The following RSPO3 variants were observed in gnomAD, a reference collection of about 807,000 sequenced individuals.
RSPO3 encodes the protein R-spondin 3, also known as R-spondin-3.
A neutral mutation model predicts 36.5 loss-of-function variants in RSPO3; 17 were observed. The ratio of observed to expected loss-of-function variants is 0.47; its 90% CI spans 0.32 to 0.70. The LOEUF is 0.70. Among genes scored for constraint, RSPO3 ranks in the 30% least tolerant of loss-of-function variants. The probability of loss-of-function intolerance (pLI) is 0.04; values close to 1 mark genes in which losing one functional copy is unlikely to be tolerated. For missense variants in RSPO3, 294 were observed against 322.5 expected (o/e 0.91, Z 0.68); for synonymous variants, 108 against 107.0 (o/e 1.01, Z -0.06).
chr6:127,175,120 T>C (rs1775025400), intron 4 of RSPO3, among the ~76,000 whole-genome samples: 1 of 151,826 alleles, frequency 6.6e-6, no homozygotes, highest in African/African-American at 2.4e-5. Flanking sequence ...TCAATGCTCA[T>C]TCTCTTTACA....
chr6:127,182,038 G>A (rs192551918), intron 4 of RSPO3, among the ~76,000 whole-genome samples: 7 of 151,994 alleles, frequency 4.6e-5, no homozygotes, highest in Non-Finnish European at 1.0e-4. Context: ...GAACTGGCAC[G>A]TGCAGATCAT....
Position 127,196,000 on chromosome 6 carries a change from T to C in RSPO3, c.812T>C (p.Val271Ala), listed in dbSNP as rs780966823. The change falls in exon 5 of 5, where the codon GTA (valine) becomes GCA (alanine). Residue 271 changes from valine to alanine, a missense_variant. Physicochemically the swap from Val to Ala is moderately conservative, Grantham distance 64. Transcript: ENST00000356698. The part of the protein sequence containing the change: ...DKQKSVSVST[V>A]H ...CAGAAATCGGTATCAGTCAGCACTG[T>C]ACACTAGAGGGTTCCATGAGATTAT... 2 of 1,606,360 alleles carry C rather than the reference T, an allele frequency of 1.2e-6. No homozygotes were observed. Among genetic ancestry groups the C allele is most frequent in the South Asian group, 2.2e-5 (2 of 89,450 alleles).
intron 4 of RSPO3, among the ~76,000 whole-genome samples, chr6:127,157,895 T>G (rs1774626110): frequency 6.6e-6 from 1 of 152,004 alleles, no homozygotes; most frequent in South Asian, 2.1e-4. Context: ...GTATCCTATT[T>G]GAACACAAAC....
At chr6:127,120,322 T>C (rs1773816893) in intron 1 of RSPO3, among the ~76,000 whole-genome samples, 1 of 152,150 alleles carries the variant, frequency 6.6e-6, no homozygotes, top group Non-Finnish European at 1.5e-5. Context: ...TGGGGAGTCC[T>C]TTCGCAGATC....
intron 4 of RSPO3, among the ~76,000 whole-genome samples, chr6:127,176,587 A>C (rs1401226593): frequency 6.6e-6 from 1 of 151,344 alleles, no homozygotes; most frequent in Non-Finnish European, 1.5e-5. Context: ...CTTTTAAAAA[A>C]CTACAGTGGG....
At chr6:127,164,761 C>T (rs1419527838) in intron 4 of RSPO3, among the ~76,000 whole-genome samples, 3 of 152,060 alleles carry the variant, frequency 2.0e-5, no homozygotes, top group Non-Finnish European at 4.4e-5. Flanking sequence ...AACCTAATTA[C>T]TGAACTGCGG....
chr6:127,171,854 G>T (rs894687224), intron 4 of RSPO3, among the ~76,000 whole-genome samples: 5 of 151,560 alleles, frequency 3.3e-5, no homozygotes, highest in Non-Finnish European at 5.9e-5. Context: ...AATCTCAGCT[G>T]CTGGACTTGG....
intron 3 of RSPO3, among the ~76,000 whole-genome samples, chr6:127,153,039 G>A (rs571651869): frequency 2.2e-4 from 34 of 152,148 alleles, no homozygotes; most frequent in Non-Finnish European, 3.2e-4. Flanking sequence ...CAACTTTCTT[G>A]CCAATTCGGG....
At chr6:127,132,036 A>T (rs1238373406) in intron 1 of RSPO3, among the ~76,000 whole-genome samples, 4 of 152,094 alleles carry the variant, frequency 2.6e-5, no homozygotes, top group African/African-American at 9.7e-5. Context: ...CAAACCCTTC[A>T]TATTCTAGCA....
intron 4 of RSPO3, among the ~76,000 whole-genome samples, chr6:127,181,183 C>T (rs1010322622): frequency 2.0e-5 from 3 of 151,844 alleles, no homozygotes; most frequent in Admixed American, 2.0e-4. Context: ...CTATACATTA[C>T]TGCATCCCTC....
At chr6:127,190,361 G>C (rs1269014882) in intron 4 of RSPO3, among the ~76,000 whole-genome samples, 1 of 152,170 alleles carries the variant, frequency 6.6e-6, no homozygotes, top group Non-Finnish European at 1.5e-5. Context: ...CTGGGAGGCA[G>C]AGGTTGCAGT....
At chr6:127,155,694 G>A (rs950965869) in intron 4 of RSPO3, among the ~76,000 whole-genome samples, 4 of 151,834 alleles carry the variant, frequency 2.6e-5, no homozygotes, top group African/African-American at 9.7e-5. Context: ...AAGCATTCAG[G>A]GCATTATCTG....
chr6:127,121,850 C>T (rs1451727423), intron 1 of RSPO3, among the ~76,000 whole-genome samples: 1 of 152,160 alleles, frequency 6.6e-6, no homozygotes, highest in Non-Finnish European at 1.5e-5. Context: ...TCAAAAGAGG[C>T]TGGCTATCCT....
chr6:127,174,959 G>A (rs987107565), intron 4 of RSPO3, among the ~76,000 whole-genome samples: 1 of 151,716 alleles, frequency 6.6e-6, no homozygotes, highest in African/African-American at 2.4e-5. Context: ...GGAATCATAT[G>A]AGTGAGGAAC....
intron 1 of RSPO3, among the ~76,000 whole-genome samples, chr6:127,134,719 A>G (rs756452784): frequency 3.5e-4 from 54 of 152,334 alleles, no homozygotes; most frequent in Middle Eastern, 3.4e-3. Context: ...CTTTAAGTAA[A>G]GAAAGGCTAC....
chr6:127,177,306 C>T (rs1775075420), intron 4 of RSPO3, among the ~76,000 whole-genome samples: 1 of 151,822 alleles, frequency 6.6e-6, no homozygotes, highest in South Asian at 2.1e-4. Flanking sequence ...AAACTGTATC[C>T]AACACTCACC....
intron 3 of RSPO3, among the ~76,000 whole-genome samples, chr6:127,151,735 G>A (rs548105282): frequency 4.8e-4 from 73 of 152,110 alleles, no homozygotes; most frequent in Admixed American, 8.5e-4. Flanking sequence ...GAAACAGTTC[G>A]TGGCTCATTT....
chr6:127,145,081 T>C (rs1317550507), intron 1 of RSPO3, among the ~76,000 whole-genome samples: 1 of 152,146 alleles, frequency 6.6e-6, no homozygotes, highest in Non-Finnish European at 1.5e-5. Flanking sequence ...GTTTATCTTT[T>C]TAAACGTCAG....
Position 127,118,913 on chromosome 6 carries a change from C to G in RSPO3, c.-280C>G, listed in dbSNP as rs1449345806. 2 of 251,774 alleles carry G rather than the reference C, an allele frequency of 7.9e-6. No homozygotes were observed. Among genetic ancestry groups the G allele is most frequent in the Non-Finnish European group, 1.5e-5 (2 of 133,542 alleles). 15.6% of individuals were successfully genotyped at this position (251,774 alleles called of 1,614,324 possible). ...CACAACATGCTACCTGCGGCCGCCC[C>G]GGCGGCTCCTGGAACCCCGGTTCGC... On this transcript the variant is annotated 5_prime_UTR_variant, in exon 1 of 5. Transcript: ENST00000356698.
Sources: allele counts gnomAD v4.1 joint callset (sites outside exome capture counted in the v4.1 genomes callset), GRCh38; gene constraint gnomAD v4.1.1; transcripts MANE v1.5; gene names NCBI Gene and HGNC (gene_info 2026-07-23, HGNC 2026-07-21).